Variants in PTPN4 observed in about 807,000 individuals in gnomAD.
PTPN4 encodes protein tyrosine phosphatase non-receptor type 4.
Under a neutral mutation model 135.5 loss-of-function variants are expected in PTPN4, and 49 were observed. That is an observed-to-expected ratio of 0.36 (90% CI 0.29 to 0.46). PTPN4 has a LOEUF of 0.46. Ranked by LOEUF, PTPN4 falls within the 20% of genes least tolerant of loss-of-function variation. The pLI, the probability that PTPN4 is intolerant of heterozygous loss-of-function variation, is 1.00. For synonymous variants in PTPN4, 333 were observed against 369.9 expected, an observed-to-expected ratio of 0.90 and a Z score of 1.14; for missense variants, 860 against 1,101.0, an observed-to-expected ratio of 0.78 and a Z score of 3.10.
intron 2 of PTPN4, among the ~76,000 whole-genome samples, chr2:119,836,379 G>T (rs1677293609): frequency 2.0e-5 from 3 of 152,224 alleles, no homozygotes; most frequent in Non-Finnish European, 4.4e-5. Context: ...TAGGGTTGAT[G>T]AAACTGGCCT....
rs1272399922 is a variant in PTPN4 at position 119,978,979 on chromosome 2, T to G, written c.*1909T>G. 2 of 152,114 alleles carry G rather than the reference T, an allele frequency of 1.3e-5. No individual in the cohort carries two copies. Among genetic ancestry groups the G allele is most frequent in the East Asian group, 3.8e-4 (2 of 5,202 alleles). 9.4% of individuals were successfully genotyped at this position (152,114 alleles called of 1,614,324 possible). On this transcript the variant is annotated 3_prime_UTR_variant, in exon 27 of 27. Transcript: ENST00000263708. ...AAAGAGAGAAGTAAACATAAACTTA[T>G]GTCAAAGAGAAATTCTCTTAATCTA...
intron 2 of PTPN4, among the ~76,000 whole-genome samples, chr2:119,838,982 G>T (rs1273659696): frequency 6.6e-6 from 1 of 152,078 alleles, no homozygotes; most frequent in Non-Finnish European, 1.5e-5. Context: ...TTGCCTGTGA[G>T]TTTTCTTATG....
intron 2 of PTPN4, among the ~76,000 whole-genome samples, chr2:119,814,032 G>A (rs1475132494): frequency 6.6e-6 from 1 of 152,032 alleles, no homozygotes; most frequent in African/African-American, 2.4e-5. Flanking sequence ...ATATGTGTGT[G>A]TATGTGTGAC....
chr2:119,767,984 CTGA>C (rs1690665131), intron 1 of PTPN4, among the ~76,000 whole-genome samples: 1 of 152,160 alleles, frequency 6.6e-6, no homozygotes, highest in Non-Finnish European at 1.5e-5. Flanking sequence ...GCCTTCAGGT[CTGA>C]TGATTGCTAC....
Position 119,977,176 on chromosome 2 carries a change from G to T in PTPN4, c.*106G>T. The T allele has an allele frequency of 7.2e-7, 1 of 1,384,962 alleles. No individual in the cohort carries two copies. Among genetic ancestry groups the T allele is most frequent in the Non-Finnish European group, 9.4e-7 (1 of 1,065,874 alleles). 85.8% of individuals were successfully genotyped at this position (1,384,962 alleles called of 1,614,324 possible). On this transcript the variant is annotated 3_prime_UTR_variant, in exon 27 of 27. Coordinates refer to ENST00000263708, the MANE Select transcript of PTPN4 (RefSeq NM_002830.4). ...TGGCATTTTACAAAAAAAAAATGAA[G>T]AACTCAAAAAAACTTTGAAAACTTC... is the stretch of plus-strand genomic sequence containing the variant.
At chr2:119,886,798 AC>A (rs764602334) in intron 9 of PTPN4, among the ~76,000 whole-genome samples, 90 of 152,300 alleles carry the variant, frequency 5.9e-4, no homozygotes, top group Non-Finnish European at 1.2e-3. Context: ...ACCTTACCTG[AC>A]CATGTTCTGG....
At chr2:119,958,520 A>C (rs1057042496) in intron 22 of PTPN4, among the ~76,000 whole-genome samples, 3 of 152,194 alleles carry the variant, frequency 2.0e-5, no homozygotes, top group African/African-American at 7.2e-5. Context: ...GGCCAATCTT[A>C]GCTAAATACT....
intron 2 of PTPN4, among the ~76,000 whole-genome samples, chr2:119,860,955 C>T (rs971361184): frequency 4.0e-5 from 6 of 151,630 alleles, no homozygotes; most frequent in East Asian, 1.9e-4. Context: ...ACAGGAGAAT[C>T]GCTTGAACGT....
intron 9 of PTPN4, among the ~76,000 whole-genome samples, chr2:119,897,716 C>T (rs746872978): frequency 6.6e-6 from 1 of 152,138 alleles, no homozygotes; most frequent in African/African-American, 2.4e-5. Flanking sequence ...AAATTCTCCC[C>T]TTTAATTATC....
At chr2:119,954,432 T>C (rs1370558623) in intron 19 of PTPN4, among the ~76,000 whole-genome samples, 1 of 152,158 alleles carries the variant, frequency 6.6e-6, no homozygotes, top group African/African-American at 2.4e-5. Context: ...TCTTCATGGG[T>C]ATTTTCCACA....
intron 2 of PTPN4, among the ~76,000 whole-genome samples, chr2:119,854,861 T>G (rs1319196974): frequency 6.6e-6 from 1 of 152,206 alleles, no homozygotes; most frequent in East Asian, 1.9e-4. Context: ...AGTACCTGTA[T>G]GTTTTCTTCT....
chr2:119,968,339 T>A (rs1679474919), intron 26 of PTPN4, among the ~76,000 whole-genome samples: 1 of 152,196 alleles, frequency 6.6e-6, no homozygotes, highest in Non-Finnish European at 1.5e-5. Context: ...GCATATTAAA[T>A]CTTGAGTGCT....
intron 18 of PTPN4, among the ~76,000 whole-genome samples, chr2:119,950,890 G>A (rs1048282473): frequency 6.6e-6 from 1 of 152,022 alleles, no homozygotes; most frequent in Non-Finnish European, 1.5e-5. Flanking sequence ...AAAAATTATG[G>A]TTGTTCCCAT....
intron 2 of PTPN4, among the ~76,000 whole-genome samples, chr2:119,831,251 C>T (rs980997719): frequency 2.0e-5 from 3 of 152,152 alleles, no homozygotes; most frequent in Non-Finnish European, 4.4e-5. Flanking sequence ...TAGCTCAATA[C>T]TCTCCCGCCC....
chr2:119,775,802 G>GATATCTATATCT (rs56763862), intron 1 of PTPN4, among the ~76,000 whole-genome samples: 1,790 of 149,988 alleles, frequency 0.012, 20 homozygotes, highest in Middle Eastern at 0.031. Flanking sequence ...AGAGATTGTG[G>GATATCTATATCT]ATATCTATAT....
intron 10 of PTPN4, among the ~76,000 whole-genome samples, chr2:119,912,469 T>A (rs1021782769): frequency 6.6e-6 from 1 of 152,126 alleles, no homozygotes; most frequent in Admixed American, 6.5e-5. Flanking sequence ...AAAGGGAAAA[T>A]GAAAAGATGC....
In PTPN4 at chr2:119,979,106, A is replaced by T. The variant is rs1478120977; in HGVS notation, c.*2036A>T. The T allele has an allele frequency of 6.6e-6, 1 of 152,134 alleles. No homozygotes were observed. Among genetic ancestry groups the T allele is most frequent in the East Asian group, 1.9e-4 (1 of 5,202 alleles). 9.4% of individuals were successfully genotyped at this position (152,134 alleles called of 1,614,324 possible). A position where few individuals can be genotyped will look rare whatever the true frequency, so the allele number is the denominator to read the frequency against. On this transcript the variant is annotated 3_prime_UTR_variant, in exon 27 of 27. Coordinates refer to ENST00000263708, the MANE Select transcript of PTPN4 (RefSeq NM_002830.4). ...ACAGACAAATATAATTTAGGCTGCT[A>T]TATGACATGATAAATTAAAAACTGA...
intron 12 of PTPN4, among the ~76,000 whole-genome samples, chr2:119,925,242 T>G (rs1678804839): frequency 6.6e-6 from 1 of 152,170 alleles, no homozygotes. Context: ...TTCTCCACTT[T>G]CTGATCTTCC....
chr2:119,785,435 G>C (rs1558724883), intron 1 of PTPN4, among the ~76,000 whole-genome samples: 1 of 152,134 alleles, frequency 6.6e-6, no homozygotes, highest in South Asian at 2.1e-4. Flanking sequence ...TGACTAAGAG[G>C]TATATAAATG....
Sources: gnomAD v4.1 joint callset for allele counts (sites outside exome capture counted in the v4.1 genomes callset) on GRCh38, gnomAD v4.1.1 for gene constraint, MANE v1.5 for transcripts, NCBI Gene and HGNC (gene_info 2026-07-23, HGNC 2026-07-21) for gene names.